Variants in SPSB1 observed in about 807,000 individuals in gnomAD.
SPSB1 encodes splA/ryanodine receptor domain and SOCS box containing 1.
SPSB1 carries 8 observed loss-of-function variants against 21.2 expected under a neutral mutation model. The ratio of observed to expected loss-of-function variants is 0.38; its 90% confidence interval spans 0.22 to 0.68. The LOEUF (loss-of-function observed/expected upper bound fraction) is 0.68. SPSB1 is among the 30% of genes least tolerant of loss of function. The pLI is 0.53. For missense variants in SPSB1, 242 were observed against 377.8 expected, an observed-to-expected ratio of 0.64 and a Z score of 2.98; for synonymous variants, 169 against 161.7, an observed-to-expected ratio of 1.05 and a Z score of -0.34.
intron 1 of SPSB1, chr1:9,339,289 G>A: frequency 1.0e-6 from 1 of 985,412 alleles, no homozygotes; most frequent in East Asian, 1.1e-4. Context: ...GACACCCTGA[G>A]AATGCTCACT....
intron 1 of SPSB1, among the ~76,000 whole-genome samples, chr1:9,328,776 C>T (rs1290267549): frequency 1.3e-5 from 2 of 152,216 alleles, no homozygotes; most frequent in Admixed American, 6.5e-5. Flanking sequence ...TCACTCTGCG[C>T]TGGGGCTTCC....
At chr1:9,328,196 G>A (rs1222821195) in intron 1 of SPSB1, among the ~76,000 whole-genome samples, 3 of 152,216 alleles carry the variant, frequency 2.0e-5, no homozygotes, top group Non-Finnish European at 2.9e-5. Context: ...CAGTACAGGG[G>A]CTGAGGGAGG....
At chr1:9,295,121 A>G (rs947459888) in intron 1 of SPSB1, among the ~76,000 whole-genome samples, 2 of 152,022 alleles carry the variant, frequency 1.3e-5, no homozygotes, top group South Asian at 2.1e-4. Context: ...GCTGGATTAG[A>G]TCATTTAAAG....
At position 9,348,432 on chromosome 1, in the gene SPSB1, G is replaced by T. The variant is rs1042400963; in HGVS notation, c.-149-7311G>T. On this transcript the variant is annotated intron_variant, in intron 1 of 2. Coordinates refer to ENST00000328089, the MANE Select transcript of SPSB1 (RefSeq NM_025106.4). The surrounding 1 kb of genome is among the most constrained non-coding windows in gnomAD (Gnocchi z 4.8). Reference sequence around the variant, plus strand: ...TCCAGGCTCCCTCAGCCTTCAGAGAGAATGGCTGCCCTAGATCATTAAAGG... The same window carrying T: ...TCCAGGCTCCCTCAGCCTTCAGAGATAATGGCTGCCCTAGATCATTAAAGG... Among the ~76,000 whole-genome samples, 2 of 152,028 alleles carry T rather than the reference G, an allele frequency of 1.3e-5. No homozygotes were observed. The highest frequency in any genetic ancestry group is 4.8e-5 in the African/African-American group (2 of 41,386).
chr1:9,304,904 T>G (rs1639387695), intron 1 of SPSB1, among the ~76,000 whole-genome samples: 1 of 151,884 alleles, frequency 6.6e-6, no homozygotes, highest in Non-Finnish European at 1.5e-5. Context: ...AACTCCTGGG[T>G]TCAAGCAATC....
chr1:9,357,185 G>GTGGA (rs1363200356), intron 2 of SPSB1, among the ~76,000 whole-genome samples: 1 of 147,130 alleles, frequency 6.8e-6, no homozygotes, highest in Admixed American at 6.8e-5. Flanking sequence ...GGATGGATGA[G>GTGGA]TGGATGGATG....
Position 9,356,518 on chromosome 1 carries a change from G to C in SPSB1, c.627G>C (p.Leu209=). The change falls in exon 2 of 3, where the codon CTG becomes CTC. Residue 209 remains leucine (L), a synonymous_variant. Transcript: ENST00000328089. The surrounding 1 kb of genome is among the most constrained non-coding windows in gnomAD (Gnocchi z 7.4). ...VAFRGLKGKK[L]YPVVSAVWGH... ...TTCGGGGACTCAAGGGCAAAAAACT[G>C]TATCCTGTAGTGAGTGCCGTCTGGG... The C allele has an allele frequency of 6.2e-7, 1 of 1,612,040 alleles. No homozygotes were observed. Among genetic ancestry groups the C allele is most frequent in the South Asian group, 1.1e-5 (1 of 91,064 alleles).
At chr1:9,347,514 CTG>C (rs904266219) in intron 1 of SPSB1, among the ~76,000 whole-genome samples, 20 of 152,362 alleles carry the variant, frequency 1.3e-4, no homozygotes, top group Admixed American at 1.3e-3. Flanking sequence ...AGACCTTTCT[CTG>C]TACCTACAAA....
rs766628507 is a variant in SPSB1, at chr1:9,321,908, G to A, written c.-150+28837G>A. ...TATGACAGCAGCAAGATTAATACCC[G>A]TAGGTGCCATTGACGAGTGATCCTG... On this transcript the variant is annotated intron_variant, in intron 1 of 2. Coordinates refer to ENST00000328089, the MANE Select transcript of SPSB1 (RefSeq NM_025106.4). This position sits in a 1 kb window ranked among gnomAD's most constrained non-coding sequence, Gnocchi z 4.8. Among the ~76,000 whole-genome samples the A allele has an allele frequency of 4.6e-5, 7 of 152,114 alleles. No individual in the cohort carries two copies. Among genetic ancestry groups the A allele is most frequent in the Admixed American group, 1.3e-4 (2 of 15,268 alleles).
At chr1:9,296,236 C>T (rs998141917) in intron 1 of SPSB1, among the ~76,000 whole-genome samples, 2 of 152,188 alleles carry the variant, frequency 1.3e-5, no homozygotes, top group African/African-American at 4.8e-5. Flanking sequence ...GACTCATGGG[C>T]TTCCTGAGGA....
At chr1:9,327,374 C>A (rs1020252612) in intron 1 of SPSB1, among the ~76,000 whole-genome samples, 2 of 152,074 alleles carry the variant, frequency 1.3e-5, no homozygotes, top group Non-Finnish European at 2.9e-5. Context: ...AAAAGTCGAT[C>A]GCCAGGCAAG....
In SPSB1 at chr1:9,307,433, G is replaced by A. The variant is rs576122150; in HGVS notation, c.-150+14362G>A. On this transcript the variant is annotated intron_variant, in intron 1 of 2. Transcript: ENST00000328089. ...CTCCCCAGCCCCTGGGAACCAATCTGTATTCTGATTTGACGGGTTTGCCTG... is the reference window on the plus strand; with the variant it reads ...CTCCCCAGCCCCTGGGAACCAATCTATATTCTGATTTGACGGGTTTGCCTG... Among the ~76,000 whole-genome samples, 3 of 152,278 alleles carry A rather than the reference G, an allele frequency of 2.0e-5. No homozygotes were observed. In the East Asian group the frequency reaches 5.8e-4, roughly 29 times the overall value.
chr1:9,306,907 T>G (rs1639420820), intron 1 of SPSB1, among the ~76,000 whole-genome samples: 1 of 144,966 alleles, frequency 6.9e-6, no homozygotes, highest in South Asian at 2.2e-4. Context: ...GTGTCTTTTT[T>G]CTTTTACTTT....
At position 9,356,244 on chromosome 1, in the gene SPSB1, C is replaced by T; in HGVS notation, c.353C>T (p.Ala118Val). Residue 118 changes from alanine to valine, a missense_variant, in exon 2 of 3, where the codon GCG (alanine) becomes GTG (valine). Ala to Val is a moderately conservative substitution (Grantham distance 64). Coordinates refer to ENST00000328089, the MANE Select transcript of SPSB1 (RefSeq NM_025106.4). This position sits in a 1 kb window ranked among gnomAD's most constrained non-coding sequence, Gnocchi z 7.4. Reference protein sequence around the residue: ...QRGTHAVVGVATADAPLHSVG... With the variant: ...QRGTHAVVGVVTADAPLHSVG... ...GGCACACACGCCGTGGTGGGGGTGG[C>T]GACGGCAGACGCCCCCCTGCACTCT... 2 of 1,606,240 alleles carry T rather than the reference C, an allele frequency of 1.2e-6. No individual in the cohort carries two copies. The highest frequency in any genetic ancestry group is 1.7e-6 in the Non-Finnish European group (2 of 1,175,386).
chr1:9,328,344 A>G (rs888156612), intron 1 of SPSB1, among the ~76,000 whole-genome samples: 1 of 152,192 alleles, frequency 6.6e-6, no homozygotes. Context: ...CAAGTTTGGG[A>G]ACTGCTAGAG....
At chr1:9,344,025 T>TGATCC (rs1640131683) in intron 1 of SPSB1, among the ~76,000 whole-genome samples, 2 of 152,302 alleles carry the variant, frequency 1.3e-5, no homozygotes, top group South Asian at 4.2e-4. Context: ...CCTGACCTTG[T>TGATCC]GATCCGCCCA....
At chr1:9,303,463 A>G (rs1405537699) in intron 1 of SPSB1, among the ~76,000 whole-genome samples, 2 of 152,234 alleles carry the variant, frequency 1.3e-5, no homozygotes, top group Admixed American at 1.3e-4. Flanking sequence ...TTTCCTCCCT[A>G]TTTTGTTCAG....
At chr1:9,330,429 C>T (rs1334157097) in intron 1 of SPSB1, among the ~76,000 whole-genome samples, 1 of 152,132 alleles carries the variant, frequency 6.6e-6, no homozygotes, top group Non-Finnish European at 1.5e-5. Context: ...TGTGTCACTG[C>T]GCTCCAGCCT....
At chr1:9,307,624 T>G (rs9435206) in intron 1 of SPSB1, among the ~76,000 whole-genome samples, 1 of 149,918 alleles carries the variant, frequency 6.7e-6, no homozygotes, top group Non-Finnish European at 1.5e-5. Context: ...TGGAAGAGTC[T>G]GATCCAAACA....
Sources: gnomAD v4.1 joint callset for allele counts (sites outside exome capture counted in the v4.1 genomes callset) on GRCh38, gnomAD v4.1.1 for gene constraint, Gnocchi (gnomAD v3.1) non-coding constraint, MANE v1.5 for transcripts, NCBI Gene and HGNC (gene_info 2026-07-23, HGNC 2026-07-21) for gene names.